ZCWPW2: variants seen among roughly 807,000 people sequenced by gnomAD.
The protein encoded by ZCWPW2 is zinc finger CW-type PWWP domain protein 2.
A neutral mutation model predicts 46.6 loss-of-function variants in ZCWPW2; 45 were observed. The observed-to-expected ratio is 0.96, with a 90% CI of 0.76 to 1.24. The LOEUF (loss-of-function observed/expected upper bound fraction) is 1.24. Ranked by LOEUF, ZCWPW2 falls within the 50% of genes most tolerant of loss-of-function variation. ZCWPW2 has a pLI of 0.00. For synonymous variants in ZCWPW2, 152 were observed against 137.1 expected, an observed-to-expected ratio of 1.11 and a Z score of -0.76; for missense variants, 429 against 403.9, an observed-to-expected ratio of 1.06 and a Z score of -0.53.
intron 1 of ZCWPW2, among the ~76,000 whole-genome samples, chr3:28,363,558 G>C (rs568024335): frequency 6.6e-6 from 1 of 152,208 alleles, no homozygotes; most frequent in African/African-American, 2.4e-5. Flanking sequence ...CATTTGTAGA[G>C]ATAGTAAACG....
At chr3:28,370,840 C>G (rs911050405) in intron 1 of ZCWPW2, among the ~76,000 whole-genome samples, 1 of 152,174 alleles carries the variant, frequency 6.6e-6, no homozygotes, top group African/African-American at 2.4e-5. Context: ...TCAAGAAATT[C>G]TCCTGCCTCA....
intron 7 of ZCWPW2, 55 bp from the exon 8 acceptor site, chr3:28,515,499 T>G: frequency 7.5e-7 from 1 of 1,337,086 alleles, no homozygotes. Flanking sequence ...CAAATGGTCA[T>G]TTAAATATTC....
At chr3:28,412,892 G>C (rs1696459184) in intron 2 of ZCWPW2, among the ~76,000 whole-genome samples, 164 bp from the exon 3 acceptor site, 1 of 151,782 alleles carries the variant, frequency 6.6e-6, no homozygotes, top group South Asian at 2.1e-4. Context: ...CTTTATTTCT[G>C]GGTAGGTGGA....
At chr3:28,368,631 T>A (rs565102366) in intron 1 of ZCWPW2, among the ~76,000 whole-genome samples, 15 of 152,322 alleles carry the variant, frequency 9.8e-5, no homozygotes, top group African/African-American at 3.6e-4. Flanking sequence ...CTGACAATTA[T>A]GTGTCTTGGA....
At chr3:28,450,254 G>C (rs1469994951) in intron 4 of ZCWPW2, among the ~76,000 whole-genome samples, 3 of 152,104 alleles carry the variant, frequency 2.0e-5, no homozygotes, top group African/African-American at 7.2e-5. Context: ...GCTTTCTTTG[G>C]AGTACTTCTT....
chr3:28,421,521 C>T lies in ZCWPW2; in HGVS notation c.332+8121C>T, dbSNP rs375527801. ...AAGTTTTCTGTCTTGCTAGGCTCCC[C>T]CTATCCTGGTCCTTTGGCTAAAAAG... On this transcript the variant is annotated intron_variant, in intron 3 of 9. Transcript: ENST00000383768. 6.6e-5 allele frequency among the ~76,000 whole-genome samples: 10 copies of T among 152,210 alleles called. No individual in the cohort carries two copies. The South Asian group carries it at 2.1e-3, about 32-fold the overall frequency.
chr3:28,458,318 C>T (rs755294435), intron 4 of ZCWPW2, among the ~76,000 whole-genome samples: 5 of 152,094 alleles, frequency 3.3e-5, no homozygotes, highest in East Asian at 1.9e-4. Context: ...ATTTGTGAAG[C>T]GCTTAGGATG....
chr3:28,430,289 C>G (rs1697201926), intron 3 of ZCWPW2, among the ~76,000 whole-genome samples: 1 of 152,214 alleles, frequency 6.6e-6, no homozygotes, highest in Non-Finnish European at 1.5e-5. Flanking sequence ...GAGATAATTT[C>G]AAAGCTTTAT....
At chr3:28,479,024 CTCTT>C in intron 5 of ZCWPW2, 93 bp downstream of exon 5, 2 of 757,882 alleles carry the variant, frequency 2.6e-6, no homozygotes, top group East Asian at 3.0e-5. Flanking sequence ...AAATCTCTAT[CTCTT>C]TCTCTTCATA....
At chr3:28,461,530 G>T (rs1252804238) in intron 4 of ZCWPW2, 1 of 151,848 alleles carries the variant, frequency 6.6e-6, no homozygotes, top group East Asian at 1.9e-4. Flanking sequence ...TTTTTCCTTT[G>T]TAGAGGCTAA....
intron 4 of ZCWPW2, among the ~76,000 whole-genome samples, chr3:28,465,164 T>C (rs1182280542): frequency 6.6e-6 from 1 of 152,342 alleles, no homozygotes; most frequent in East Asian, 1.9e-4. Flanking sequence ...AAATATAATA[T>C]AAATGTGTTC....
At chr3:28,377,081 T>C (rs1427373852) in intron 1 of ZCWPW2, among the ~76,000 whole-genome samples, 2 of 152,042 alleles carry the variant, frequency 1.3e-5, no homozygotes, top group East Asian at 3.8e-4. Context: ...ATTTTTTTTT[T>C]TGTATTTTGT....
intron 1 of ZCWPW2, among the ~76,000 whole-genome samples, chr3:28,367,395 G>T (rs772058223): frequency 2.0e-5 from 3 of 152,048 alleles, no homozygotes; most frequent in Admixed American, 1.3e-4. Flanking sequence ...CCTTCATTTC[G>T]TTATGTACCC....
chr3:28,377,479 T>C (rs1267113276), intron 1 of ZCWPW2, among the ~76,000 whole-genome samples: 2 of 152,108 alleles, frequency 1.3e-5, no homozygotes, highest in African/African-American at 4.8e-5. Context: ...AGCTCAAGAT[T>C]CTATTTTTTG....
At chr3:28,441,524 G>A (rs755357738) in intron 4 of ZCWPW2, among the ~76,000 whole-genome samples, 10 of 152,138 alleles carry the variant, frequency 6.6e-5, no homozygotes, top group Non-Finnish European at 1.5e-4. Flanking sequence ...ACTTTCGAGT[G>A]GTGCCTGCAT....
chr3:28,457,222 G>A (rs1256940730), intron 4 of ZCWPW2, among the ~76,000 whole-genome samples: 1 of 152,064 alleles, frequency 6.6e-6, no homozygotes. Context: ...CATTTGTTTA[G>A]CTCACAGAAT....
chr3:28,516,255 C>CAATAA (rs942409759), intron 8 of ZCWPW2, among the ~76,000 whole-genome samples: 1 of 140,126 alleles, frequency 7.1e-6, no homozygotes, highest in Non-Finnish European at 1.5e-5. Flanking sequence ...GATTCCCTCT[C>CAATAA]AATAAATAAA....
rs1308083470 is a variant in ZCWPW2 at position 28,488,489 on chromosome 3, CA to C, written c.611-3635del. On this transcript the variant is annotated intron_variant, in intron 5 of 9. Transcript: ENST00000383768. Reference sequence around the variant, plus strand: ...AATGCTCTCAGCTATCACATTTAAACAAACAAAAACTGACAATTTTTTGAGT... The same window carrying C: ...AATGCTCTCAGCTATCACATTTAAACAACAAAAACTGACAATTTTTTGAGT... Among the ~76,000 whole-genome samples, 12 of 152,164 alleles carry C rather than the reference CA, an allele frequency of 7.9e-5. No individual in the cohort carries two copies. The East Asian group carries it at 2.3e-3, about 29-fold the overall frequency.
chr3:28,459,737 G>T (rs546815229), intron 4 of ZCWPW2, among the ~76,000 whole-genome samples: 1 of 152,120 alleles, frequency 6.6e-6, no homozygotes, highest in South Asian at 2.1e-4. Context: ...CTGATTTCAG[G>T]TCTATCACAC....
Sources: allele counts gnomAD v4.1 joint callset (sites outside exome capture counted in the v4.1 genomes callset), GRCh38; gene constraint gnomAD v4.1.1; transcripts MANE v1.5; gene names NCBI Gene and HGNC (gene_info 2026-07-23, HGNC 2026-07-21).